Variants in ARHGAP42 observed in about 807,000 individuals in gnomAD.
ARHGAP42 encodes the protein Rho GTPase activating protein 42.
A neutral mutation model predicts 125.0 loss-of-function variants in ARHGAP42; 63 were observed. The observed-to-expected ratio is 0.50, with a 90% CI of 0.41 to 0.62. The LOEUF (loss-of-function observed/expected upper bound fraction) is 0.62. Ranked by LOEUF, ARHGAP42 falls within the 20% of genes least tolerant of loss-of-function variation. The pLI is 0.00. For missense variants in ARHGAP42, 766 were observed against 1,024.2 expected, an observed-to-expected ratio of 0.75 and a Z score of 3.44; for synonymous variants, 339 against 351.0, an observed-to-expected ratio of 0.97 and a Z score of 0.38.
chr11:100,696,834 A>T (rs17712139), intron 1 of ARHGAP42, among the ~76,000 whole-genome samples: 3 of 151,936 alleles, frequency 2.0e-5, no homozygotes, highest in African/African-American at 7.3e-5. Flanking sequence ...ATGCCACTGC[A>T]CTTACCTCAA....
chr11:100,832,245 A>G (rs1174730163), intron 3 of ARHGAP42, among the ~76,000 whole-genome samples: 1 of 152,212 alleles, frequency 6.6e-6, no homozygotes, highest in Non-Finnish European at 1.5e-5. Context: ...TTTACTCTGC[A>G]GAACTGAACG....
At chr11:100,752,151 C>T (rs931296325) in intron 1 of ARHGAP42, among the ~76,000 whole-genome samples, 3 of 152,090 alleles carry the variant, frequency 2.0e-5, no homozygotes, top group African/African-American at 7.2e-5. Context: ...CTGTGCCTCT[C>T]GTGCAAGCCT....
intron 1 of ARHGAP42, among the ~76,000 whole-genome samples, chr11:100,703,692 A>G (rs7938194): frequency 0.55 from 83,345 of 152,090 alleles, 23,588 homozygotes; most frequent in African/African-American, 0.71. Flanking sequence ...TAATGAACAG[A>G]CAGTATAGAT....
chr11:100,719,133 G>A (rs1282199583), intron 1 of ARHGAP42, among the ~76,000 whole-genome samples: 3 of 152,122 alleles, frequency 2.0e-5, no homozygotes, highest in Non-Finnish European at 2.9e-5. Flanking sequence ...AGCATTTAGT[G>A]GTAGATAAAT....
Position 100,897,174 on chromosome 11 carries a change from T to G in ARHGAP42, c.385-16278T>G, listed in dbSNP as rs1227760418. ...TAGATGTGTGGTGTTATTTCTGAGGTCTCTGTTCTGTTCCATTGGTCTGTA... is the reference window on the plus strand; with the variant it reads ...TAGATGTGTGGTGTTATTTCTGAGGGCTCTGTTCTGTTCCATTGGTCTGTA... On this transcript the variant is annotated intron_variant, in intron 4 of 23. Coordinates refer to ENST00000298815, the MANE Select transcript of ARHGAP42 (RefSeq NM_152432.4). 2.0e-5 allele frequency among the ~76,000 whole-genome samples: 3 copies of G among 152,216 alleles called. No individual in the cohort carries two copies. The East Asian group carries it at 5.8e-4, about 29-fold the overall frequency.
intron 4 of ARHGAP42, among the ~76,000 whole-genome samples, chr11:100,875,099 CTCTCTCTCTGTGTG>C (rs1177907661): frequency 0.011 from 1,173 of 106,494 alleles, 8 homozygotes; most frequent in Middle Eastern, 0.049. Context: ...CTCTCTCTCT[CTCTCTCTCTGTGTG>C]TGTGTGTGTG....
intron 3 of ARHGAP42, among the ~76,000 whole-genome samples, chr11:100,850,873 C>CTTTT (rs201814102): frequency 2.1e-5 from 2 of 94,510 alleles, no homozygotes; most frequent in African/African-American, 5.3e-5. Context: ...TAGTAGCTTT[C>CTTTT]TTTTTTTTTT....
chr11:100,775,427 T>C (rs1179994558), intron 2 of ARHGAP42, among the ~76,000 whole-genome samples: 2 of 152,204 alleles, frequency 1.3e-5, no homozygotes, highest in South Asian at 2.1e-4. Flanking sequence ...ACAAGTAATA[T>C]GTATGTAAAT....
rs368639119 is a variant in ARHGAP42, at chr11:100,928,464, G to A, written c.598-4692G>A. Among the ~76,000 whole-genome samples, 3 of 152,056 alleles carry A rather than the reference G, an allele frequency of 2.0e-5. No individual in the cohort carries two copies. In the South Asian group the frequency reaches 6.2e-4, roughly 32 times the overall value. ...TAGTTGGGCATGGTGTCATGCGCCT[G>A]TAGTCTTAGCTACTTGGGGGCTGAG... On this transcript the variant is annotated intron_variant, in intron 6 of 23. Coordinates refer to ENST00000298815, the MANE Select transcript of ARHGAP42 (RefSeq NM_152432.4).
intron 2 of ARHGAP42, among the ~76,000 whole-genome samples, chr11:100,774,377 A>G (rs1327419395): frequency 6.6e-6 from 1 of 152,188 alleles, no homozygotes; most frequent in African/African-American, 2.4e-5. Flanking sequence ...CTGAGTTCCA[A>G]CGACTTCTTT....
At chr11:100,940,274 T>G (rs2135270669) in intron 8 of ARHGAP42, among the ~76,000 whole-genome samples, 1 of 152,338 alleles carries the variant, frequency 6.6e-6, no homozygotes, top group Admixed American at 6.5e-5. Context: ...TTCAATTTCT[T>G]TCTTTTAAAC....
At chr11:100,884,670 C>T (rs1289476204) in intron 4 of ARHGAP42, among the ~76,000 whole-genome samples, 1 of 152,104 alleles carries the variant, frequency 6.6e-6, no homozygotes, top group Non-Finnish European at 1.5e-5. Flanking sequence ...CTGTCTCCTG[C>T]CTCCGTGTCC....
chr11:100,770,030 A>G (rs1862936538), intron 1 of ARHGAP42, among the ~76,000 whole-genome samples: 1 of 152,170 alleles, frequency 6.6e-6, no homozygotes, highest in East Asian at 1.9e-4. Context: ...AGTGAGTGGT[A>G]GTTCCTTGAT....
intron 6 of ARHGAP42, among the ~76,000 whole-genome samples, chr11:100,924,177 A>G (rs890244069): frequency 6.6e-6 from 1 of 152,110 alleles, no homozygotes; most frequent in African/African-American, 2.4e-5. Context: ...GAGTAAAGCA[A>G]ATGGCCTGGG....
intron 6 of ARHGAP42, among the ~76,000 whole-genome samples, chr11:100,929,152 G>A (rs1438780081): frequency 6.6e-6 from 1 of 152,148 alleles, no homozygotes; most frequent in Non-Finnish European, 1.5e-5. Flanking sequence ...GTTTCAGGAT[G>A]AACCTGTTCC....
At chr11:100,865,484 A>G (rs1258721206) in intron 4 of ARHGAP42, among the ~76,000 whole-genome samples, 1 of 152,224 alleles carries the variant, frequency 6.6e-6, no homozygotes, top group Non-Finnish European at 1.5e-5. Context: ...ATCCAAAATG[A>G]AAATTGAGAA....
chr11:100,704,695 A>C (rs1350997226), intron 1 of ARHGAP42, among the ~76,000 whole-genome samples: 1 of 151,898 alleles, frequency 6.6e-6, no homozygotes, highest in Non-Finnish European at 1.5e-5. Context: ...TCGGTGGTTC[A>C]TGCCTGTAAT....
chr11:100,764,189 T>C (rs946634873), intron 1 of ARHGAP42, among the ~76,000 whole-genome samples: 7 of 152,258 alleles, frequency 4.6e-5, no homozygotes, highest in East Asian at 1.9e-4. Flanking sequence ...ACCCAGCTGA[T>C]TTTAAATCAT....
At chr11:100,783,217 C>G (rs1863355216) in intron 2 of ARHGAP42, among the ~76,000 whole-genome samples, 1 of 152,182 alleles carries the variant, frequency 6.6e-6, no homozygotes, top group African/African-American at 2.4e-5. Flanking sequence ...GGGTGGATTG[C>G]TTGAGCCCAG....
Sources: allele counts gnomAD v4.1 joint callset (sites outside exome capture counted in the v4.1 genomes callset), GRCh38; gene constraint gnomAD v4.1.1; transcripts MANE v1.5; gene names NCBI Gene and HGNC (gene_info 2026-07-23, HGNC 2026-07-21).